Variants in ACOXL observed in about 807,000 individuals in gnomAD.
The protein encoded by ACOXL is acyl-CoA oxidase like.
A neutral mutation model predicts 71.9 loss-of-function variants in ACOXL; 70 were observed. The observed-to-expected ratio is 0.97, with a 90% CI of 0.80 to 1.19. The LOEUF (loss-of-function observed/expected upper bound fraction) is 1.19. Among genes scored for constraint, ACOXL ranks in the 50% most tolerant of loss-of-function variants. The pLI, the probability that ACOXL is intolerant of heterozygous loss-of-function variation, is 0.00. For missense variants in ACOXL, 703 were observed against 736.3 expected, an observed-to-expected ratio of 0.95 and a Z score of 0.52; for synonymous variants, 253 against 281.6, an observed-to-expected ratio of 0.90 and a Z score of 1.02.
At chr2:110,777,923 A>G (rs575773801) in intron 2 of ACOXL, among the ~76,000 whole-genome samples, 1 of 152,324 alleles carries the variant, frequency 6.6e-6, no homozygotes, top group African/African-American at 2.4e-5. Flanking sequence ...AGTGGTTTCC[A>G]GTGGCTGCCT....
chr2:110,951,472 A>G (rs1338541709), intron 12 of ACOXL, among the ~76,000 whole-genome samples: 1 of 152,200 alleles, frequency 6.6e-6, no homozygotes, highest in Admixed American at 6.5e-5. Flanking sequence ...AGAGTTTCCA[A>G]TGCCATGGTT....
chr2:110,880,085 G>T (rs1057166109), intron 10 of ACOXL, among the ~76,000 whole-genome samples: 45 of 150,062 alleles, frequency 3.0e-4, no homozygotes. Context: ...GGTGGAGGTT[G>T]CAGTGACCGA....
At chr2:110,742,633 A>G (rs1677686609) in intron 1 of ACOXL, among the ~76,000 whole-genome samples, 1 of 152,170 alleles carries the variant, frequency 6.6e-6, no homozygotes, top group South Asian at 2.1e-4. Flanking sequence ...AGGTGGGTGA[A>G]TTTGGGGAAT....
intron 1 of ACOXL, among the ~76,000 whole-genome samples, chr2:110,750,894 A>G (rs1371825069): frequency 1.3e-5 from 2 of 152,072 alleles, no homozygotes; most frequent in Non-Finnish European, 2.9e-5. Context: ...CATGTTGCCC[A>G]GGCTGATCTT....
At chr2:110,874,264 C>T (rs1015595735) in intron 10 of ACOXL, among the ~76,000 whole-genome samples, 3 of 152,184 alleles carry the variant, frequency 2.0e-5, no homozygotes, top group Non-Finnish European at 2.9e-5. Flanking sequence ...ACGACATTTG[C>T]GTGCCCCACG....
At chr2:110,780,037 A>T (rs1455559649) in intron 2 of ACOXL, among the ~76,000 whole-genome samples, 1 of 152,230 alleles carries the variant, frequency 6.6e-6, no homozygotes, top group Non-Finnish European at 1.5e-5. Context: ...AGTAGGAAAA[A>T]ATCTGTAATG....
intron 14 of ACOXL, among the ~76,000 whole-genome samples, chr2:111,024,740 A>T (rs1292791113): frequency 6.6e-6 from 1 of 152,074 alleles, no homozygotes; most frequent in African/African-American, 2.4e-5. Context: ...GTTATCAGGA[A>T]AACAGTAGCT....
At chr2:110,909,224 A>G (rs2059566419) in intron 11 of ACOXL, among the ~76,000 whole-genome samples, 1 of 152,212 alleles carries the variant, frequency 6.6e-6, no homozygotes, top group African/African-American at 2.4e-5. Flanking sequence ...GCAGACTTGA[A>G]CAGTTAAAAG....
At chr2:111,096,273 G>A (rs2068796356) in intron 17 of ACOXL, among the ~76,000 whole-genome samples, 1 of 150,568 alleles carries the variant, frequency 6.6e-6, no homozygotes, top group East Asian at 2.0e-4. Flanking sequence ...GTCTTGCTCT[G>A]TAGCCCAGGC....
intron 12 of ACOXL, among the ~76,000 whole-genome samples, chr2:110,956,644 G>A (rs992471369): frequency 6.6e-6 from 1 of 152,148 alleles, no homozygotes; most frequent in Non-Finnish European, 1.5e-5. Context: ...GGTGCCTCCT[G>A]GTTGGTGGGT....
At chr2:111,068,141 G>A (rs2067161743) in intron 16 of ACOXL, among the ~76,000 whole-genome samples, 1 of 152,210 alleles carries the variant, frequency 6.6e-6, no homozygotes, top group Non-Finnish European at 1.5e-5. Context: ...AGGCCATCCG[G>A]GATAGCTTCC....
At chr2:111,028,823 T>C (rs192374548) in intron 14 of ACOXL, among the ~76,000 whole-genome samples, 18 of 152,344 alleles carry the variant, frequency 1.2e-4, no homozygotes, top group Admixed American at 1.1e-3. Flanking sequence ...GTATGGGATG[T>C]TGTTGATATT....
At position 110,801,625 on chromosome 2, in the gene ACOXL, T is replaced by G. The variant is rs752835272; in HGVS notation, c.548-27T>G. ...CAGGGAAAATACTTCTGATGCTGCA[T>G]CCATTTCCCCTTTCTATTCTTGCCA... On this transcript the variant is annotated intron_variant, in intron 7 of 17. Transcript: ENST00000439055. 3.1e-6 allele frequency: 5 copies of G among 1,598,744 alleles called. 1 individual carries two copies. In the South Asian group the frequency reaches 5.5e-5, roughly 18 times the overall value.
chr2:111,014,936 T>C (rs1234045851), intron 14 of ACOXL, among the ~76,000 whole-genome samples: 3 of 152,242 alleles, frequency 2.0e-5, no homozygotes, highest in Non-Finnish European at 4.4e-5. Context: ...AACTGTGACC[T>C]TCTTTTCTGC....
chr2:110,848,677 G>A (rs557831697), intron 10 of ACOXL, among the ~76,000 whole-genome samples: 25 of 152,248 alleles, frequency 1.6e-4, no homozygotes, highest in South Asian at 4.1e-4. Context: ...GTCTCCTTTG[G>A]GTTGGTGGCC....
At position 110,854,324 on chromosome 2, in the gene ACOXL, A is replaced by G. The variant is rs568907369; in HGVS notation, c.788+12919A>G. On this transcript the variant is annotated intron_variant, in intron 10 of 17. Transcript: ENST00000439055. ...TGCCTGTACCTCTTTGTGATCGTCC[A>G]GGCAGAACCTACCACATCTCCATGA... Among the ~76,000 whole-genome samples the G allele has an allele frequency of 4.6e-5, 7 of 152,296 alleles. No individual in the cohort carries two copies. The South Asian group carries it at 1.0e-3, about 23-fold the overall frequency.
At chr2:110,793,821 A>G in intron 4 of ACOXL, 85 bp downstream of exon 4, 1 of 1,132,536 alleles carries the variant, frequency 8.8e-7, no homozygotes, top group Non-Finnish European at 1.3e-6. Flanking sequence ...TATGTGTTTG[A>G]AGAAAAATAA....
At chr2:110,866,887 A>C (rs1039740503) in intron 10 of ACOXL, among the ~76,000 whole-genome samples, 1 of 152,120 alleles carries the variant, frequency 6.6e-6, no homozygotes, top group Non-Finnish European at 1.5e-5. Flanking sequence ...TATCCTTTGG[A>C]GCCTCCTGTC....
intron 5 of ACOXL, among the ~76,000 whole-genome samples, chr2:110,796,776 T>C (rs925643466): frequency 3.9e-5 from 6 of 152,340 alleles, no homozygotes; most frequent in Non-Finnish European, 8.8e-5. Context: ...CTTAAAAAGA[T>C]CCAGCATGTC....
Sources: gnomAD v4.1 joint callset for allele counts (sites outside exome capture counted in the v4.1 genomes callset) on GRCh38, gnomAD v4.1.1 for gene constraint, MANE v1.5 for transcripts, NCBI Gene and HGNC (gene_info 2026-07-23, HGNC 2026-07-21) for gene names.